Variants in ERBIN observed in about 807,000 individuals in gnomAD.
The protein encoded by ERBIN is erbb2 interacting protein.
In ERBIN, 60 loss-of-function variants were observed where a neutral mutation model predicts 158.4. That is an observed-to-expected ratio of 0.38 (90% CI 0.31 to 0.47). The LOEUF (loss-of-function observed/expected upper bound fraction) is 0.47. Among genes scored for constraint, ERBIN ranks in the 20% least tolerant of loss-of-function variants. ERBIN has a pLI of 0.99. For missense variants in ERBIN, 1,610 were observed against 1,648.0 expected, an observed-to-expected ratio of 0.98 and a Z score of 0.40; for synonymous variants, 594 against 557.2, an observed-to-expected ratio of 1.07 and a Z score of -0.93.
intron 17 of ERBIN, among the ~76,000 whole-genome samples, chr5:66,045,472 A>G (rs1475085531): frequency 6.8e-6 from 1 of 146,938 alleles, no homozygotes; most frequent in Non-Finnish European, 1.5e-5. Context: ...GTGTATGTAT[A>G]TGTAATATTA....
At chr5:65,930,002 T>TA (rs1479794729) in intron 1 of ERBIN, among the ~76,000 whole-genome samples, 1 of 152,156 alleles carries the variant, frequency 6.6e-6, no homozygotes, top group African/African-American at 2.4e-5. Context: ...TTCCTAATTG[T>TA]AAAAAAGAAA....
intron 4 of ERBIN, among the ~76,000 whole-genome samples, chr5:66,009,685 T>C (rs1317085386): frequency 6.6e-6 from 1 of 152,146 alleles, no homozygotes; most frequent in East Asian, 1.9e-4. Flanking sequence ...TGTTCAGTGT[T>C]AATTTGGAGG....
At chr5:65,979,835 C>G (rs1418079391) in intron 1 of ERBIN, among the ~76,000 whole-genome samples, 1 of 151,930 alleles carries the variant, frequency 6.6e-6, no homozygotes, top group Non-Finnish European at 1.5e-5. Flanking sequence ...GTGGATAGCA[C>G]AAAGACAAAA....
At position 65,993,162 on chromosome 5, in the gene ERBIN, A is replaced by G. The variant is rs145514708; in HGVS notation, c.189+255A>G. On this transcript the variant is annotated intron_variant, in intron 3 of 25. Coordinates refer to ENST00000284037, the MANE Select transcript of ERBIN (RefSeq NM_001253697.2). ...ATTTAATTTTAGTTGTATTGTAGCC[A>G]TTAAGGTAAATAATGAGACTAAATA... 2.3e-3 allele frequency among the ~76,000 whole-genome samples: 348 copies of G among 152,318 alleles called. 3 individuals are homozygous for G. The highest frequency in any genetic ancestry group is 4.6e-4 in the Non-Finnish European group (31 of 68,026).
At chr5:66,003,686 G>A (rs1383929914) in intron 4 of ERBIN, among the ~76,000 whole-genome samples, 1 of 152,200 alleles carries the variant, frequency 6.6e-6, no homozygotes, top group East Asian at 1.9e-4. Flanking sequence ...TTGATGTTCT[G>A]TGAAATAGTT....
At chr5:66,077,843 T>A (rs569861966) in intron 25 of ERBIN, among the ~76,000 whole-genome samples, 5 of 151,764 alleles carry the variant, frequency 3.3e-5, no homozygotes, top group Non-Finnish European at 5.9e-5. Flanking sequence ...TACACATTTA[T>A]TTTTCTGAAC....
At chr5:65,935,307 C>G (rs141832317) in intron 1 of ERBIN, among the ~76,000 whole-genome samples, 8 of 152,216 alleles carry the variant, frequency 5.3e-5, no homozygotes, top group Non-Finnish European at 1.0e-4. Flanking sequence ...CTGCATATTT[C>G]TATAATGCAA....
chr5:65,977,202 C>G (rs867627146), intron 1 of ERBIN, among the ~76,000 whole-genome samples: 7 of 144,244 alleles, frequency 4.9e-5, no homozygotes, highest in Non-Finnish European at 9.0e-5. Context: ...GGGCTGACCC[C>G]CCCCCACCTC....
Position 65,980,797 on chromosome 5 carries a change from T to A in ERBIN, c.-57-7838T>A, listed in dbSNP as rs146069165. Among the ~76,000 whole-genome samples the A allele has an allele frequency of 7.9e-3, 1,208 of 152,136 alleles. 13 individuals are homozygous for A. Among genetic ancestry groups the A allele is most frequent in the African/African-American group, 0.028 (1,146 of 41,504 alleles). On this transcript the variant is annotated intron_variant, in intron 1 of 25. Transcript: ENST00000284037. The stretch of plus-strand genomic sequence containing the variant: ...GAGCCCTAAATATCTATTCACTGTA[T>A]AATGAATCTCCAACATACATGAAAT...
At chr5:65,983,029 G>A (rs1750820120) in intron 1 of ERBIN, among the ~76,000 whole-genome samples, 1 of 152,174 alleles carries the variant, frequency 6.6e-6, no homozygotes, top group African/African-American at 2.4e-5. Context: ...TGTTCATTAT[G>A]TAAATTGTAT....
intron 1 of ERBIN, among the ~76,000 whole-genome samples, chr5:65,939,342 C>A (rs1554043780): frequency 6.6e-6 from 1 of 152,096 alleles, no homozygotes; most frequent in Non-Finnish European, 1.5e-5. Context: ...GAGGCTGAGG[C>A]AGAAGAATTG....
At chr5:65,932,228 A>G (rs1277968713) in intron 1 of ERBIN, among the ~76,000 whole-genome samples, 1 of 151,324 alleles carries the variant, frequency 6.6e-6, no homozygotes, top group Non-Finnish European at 1.5e-5. Context: ...AATCCCAGCT[A>G]CTCAGGAGGC....
In ERBIN at chr5:65,947,992, A is replaced by T. The variant is rs1745991330; in HGVS notation, c.-58+21186A>T. On this transcript the variant is annotated intron_variant, in intron 1 of 25. Coordinates refer to ENST00000284037, the MANE Select transcript of ERBIN (RefSeq NM_001253697.2). ...ACCATTCCACTCCAGCCTGGGCAAC[A>T]AGAGTGAAACTGCATTTCAAAAAAA... Among the ~76,000 whole-genome samples the T allele has an allele frequency of 2.0e-5, 3 of 148,166 alleles. No homozygotes were observed. The South Asian group carries it at 6.8e-4, about 33-fold the overall frequency.
intron 14 of ERBIN, among the ~76,000 whole-genome samples, chr5:66,036,147 T>C (rs1460493668): frequency 6.7e-6 from 1 of 150,320 alleles, no homozygotes; most frequent in Non-Finnish European, 1.5e-5. Flanking sequence ...ATTTTTGTCT[T>C]ACCTTACAGT....
chr5:66,002,456 C>T (rs1226135494), intron 4 of ERBIN, among the ~76,000 whole-genome samples: 1 of 152,060 alleles, frequency 6.6e-6, no homozygotes, highest in Non-Finnish European at 1.5e-5. Flanking sequence ...ATGGGGAAAG[C>T]TGGTGGGGAG....
chr5:66,023,232 T>A (rs1473351917), intron 8 of ERBIN, 58 bp from the exon 9 acceptor site: 1 of 1,267,430 alleles, frequency 7.9e-7, no homozygotes, highest in Non-Finnish European at 1.1e-6. Flanking sequence ...TTTTGCCAGA[T>A]AAAGACATTC....
At chr5:66,018,486 ATTATAT>A (rs1561380382) in intron 7 of ERBIN, among the ~76,000 whole-genome samples, 3 of 7,152 alleles carry the variant, frequency 4.2e-4, no homozygotes, top group Non-Finnish European at 7.3e-4. Flanking sequence ...TATATTATAT[ATTATAT>A]TATATAATAT....
chr5:66,035,778 T>A (rs10073770), intron 14 of ERBIN, among the ~76,000 whole-genome samples: 8,769 of 152,278 alleles, frequency 0.058, 883 homozygotes, highest in African/African-American at 0.2. Context: ...TGCCATTTTA[T>A]TATATGTGGC....
intron 13 of ERBIN, 51 bp downstream of exon 13, chr5:66,026,468 G>T (rs1330327004): frequency 2.0e-6 from 2 of 1,011,742 alleles, no homozygotes; most frequent in Non-Finnish European, 2.9e-6. Flanking sequence ...TTGGTTAGAT[G>T]AAATTAAGTT....
Sources: allele counts gnomAD v4.1 joint callset (sites outside exome capture counted in the v4.1 genomes callset), GRCh38; gene constraint gnomAD v4.1.1; transcripts MANE v1.5; gene names NCBI Gene and HGNC (gene_info 2026-07-23, HGNC 2026-07-21).